Variants in NRG1 observed in about 807,000 individuals in gnomAD.
NRG1 encodes the protein neuregulin 1, also known as pro-neuregulin-1, membrane-bound isoform.
NRG1 carries 18 observed loss-of-function variants against 63.8 expected under a neutral mutation model. The ratio of observed to expected loss-of-function variants is 0.28; its 90% confidence interval spans 0.19 to 0.42. NRG1 has a LOEUF of 0.42. NRG1 is among the 10% of genes least tolerant of loss of function. NRG1 has a pLI of 1.00. For missense variants in NRG1, 762 were observed against 814.7 expected (o/e 0.94, Z 0.79); for synonymous variants, 302 against 301.3 (o/e 1.00, Z -0.02).
Position 31,717,943 on chromosome 8 carries a change from C to T in NRG1, c.37+78512C>T, listed in dbSNP as rs115200850. ...TACTGTGTTAATGCTGTGATTAATGCGTCTTTTAGTCTTGTATGTGTGTGT... is the reference window on the plus strand; with the variant it reads ...TACTGTGTTAATGCTGTGATTAATGTGTCTTTTAGTCTTGTATGTGTGTGT... On this transcript the variant is annotated intron_variant, in intron 1 of 10. Coordinates refer to the NRG1 transcript ENST00000519301. Among the ~76,000 whole-genome samples the T allele has an allele frequency of 3.7e-3, 565 of 152,192 alleles. 5 individuals carry two copies. Among genetic ancestry groups the T allele is most frequent in the Non-Finnish European group, 5.9e-3 (402 of 68,006 alleles).
chr8:32,763,608 C>G (rs1291980929), intron 11 of NRG1, 140 bp from the exon 12 acceptor site: 1 of 1,099,970 alleles, frequency 9.1e-7, no homozygotes, highest in Non-Finnish European at 1.3e-6. Context: ...ATTTCCTAGC[C>G]TAAATAATTA....
intron 1 of NRG1, among the ~76,000 whole-genome samples, chr8:32,554,295 T>C (rs1168368008): frequency 2.6e-5 from 4 of 152,282 alleles, no homozygotes; most frequent in South Asian, 4.1e-4. Flanking sequence ...TCTGCACTTG[T>C]GTGTGTCCTT....
chr8:31,657,430 T>C (rs1805536486), intron 1 of NRG1, among the ~76,000 whole-genome samples: 1 of 152,192 alleles, frequency 6.6e-6, no homozygotes, highest in Non-Finnish European at 1.5e-5. Context: ...GATATTCTGA[T>C]CTTGGACAGA....
rs35582021 is a variant in NRG1, at chr8:32,281,184, C to CTTTTTTTT, written c.38-314640_38-314633dup. On this transcript the variant is annotated intron_variant, in intron 1 of 10. Transcript: ENST00000519301. ...CATAGTACCCAATAGGTAGTTTTTC[C>CTTTTTTTT]TTTTTTTTTTTGAGACAGAATCTCG... Among the ~76,000 whole-genome samples, 21 of 94,326 alleles carry CTTTTTTTT rather than the reference C, an allele frequency of 2.2e-4. 3 individuals carry two copies. Among genetic ancestry groups the CTTTTTTTT allele is most frequent in the African/African-American group, 9.0e-4 (20 of 22,254 alleles). 61.9% of individuals were successfully genotyped at this position (94,326 alleles called of 152,430 possible). A position where few individuals can be genotyped will look rare whatever the true frequency, so the allele number is the denominator to read the frequency against.
At chr8:32,193,630 G>T (rs967832672) in intron 1 of NRG1, among the ~76,000 whole-genome samples, 1 of 152,126 alleles carries the variant, frequency 6.6e-6, no homozygotes, top group African/African-American at 2.4e-5. Flanking sequence ...GAGGCTCGGT[G>T]TTATGGGTTG....
At chr8:31,881,432 C>A (rs1260414667) in intron 1 of NRG1, among the ~76,000 whole-genome samples, 1 of 152,162 alleles carries the variant, frequency 6.6e-6, no homozygotes, top group Non-Finnish European at 1.5e-5. Flanking sequence ...CAATCACTCT[C>A]CCTCTCCTTA....
chr8:32,397,567 G>T (rs71512622), intron 1 of NRG1, among the ~76,000 whole-genome samples: 8,606 of 150,620 alleles, frequency 0.057, 334 homozygotes, highest in Middle Eastern at 0.096. Flanking sequence ...GTCAGTACCA[G>T]TAAATGAGAG....
At chr8:32,137,840 T>C (rs995637027) in intron 1 of NRG1, among the ~76,000 whole-genome samples, 2 of 152,162 alleles carry the variant, frequency 1.3e-5, no homozygotes, top group Non-Finnish European at 2.9e-5. Flanking sequence ...TTGATTCAAT[T>C]CTGGGTGAAT....
chr8:32,027,455 T>TCTTTC (rs1817595066), intron 1 of NRG1, among the ~76,000 whole-genome samples: 1 of 117,604 alleles, frequency 8.5e-6, no homozygotes, highest in African/African-American at 3.3e-5. Context: ...CTTCCTTCCT[T>TCTTTC]CCTTCCTTCC....
intron 1 of NRG1, among the ~76,000 whole-genome samples, chr8:31,728,957 G>A (rs1009726882): frequency 1.3e-5 from 2 of 152,130 alleles, no homozygotes; most frequent in Non-Finnish European, 2.9e-5. Flanking sequence ...TAAATTCCAT[G>A]TTGACTCTGA....
intron 1 of NRG1, among the ~76,000 whole-genome samples, chr8:31,829,656 C>CT (rs61592367): frequency 0.021 from 3,176 of 152,300 alleles, 106 homozygotes; most frequent in African/African-American, 0.071. Context: ...TGTAAAACCA[C>CT]TATAGTCTTG....
At position 32,144,669 on chromosome 8, in the gene NRG1, T is replaced by A. The variant is rs919739364; in HGVS notation, c.38-451159T>A. ...ATTTTTGCTGTTTATATATTTTTATTTTGGTCTCGGTTTTCCTTTATCTAA... is the reference window on the plus strand; with the variant it reads ...ATTTTTGCTGTTTATATATTTTTATATTGGTCTCGGTTTTCCTTTATCTAA... On this transcript the variant is annotated intron_variant, in intron 1 of 10. Coordinates refer to the NRG1 transcript ENST00000519301. Among the ~76,000 whole-genome samples, 50 of 152,306 alleles carry A rather than the reference T, an allele frequency of 3.3e-4. No individual in the cohort carries two copies. In the Middle Eastern group the frequency reaches 0.01, roughly 31 times the overall value.
chr8:32,625,795 CTT>C (rs1457757802), intron 5 of NRG1, among the ~76,000 whole-genome samples: 2 of 98,510 alleles, frequency 2.0e-5, no homozygotes, highest in Admixed American at 1.0e-4. Context: ...TTTCTTTTTT[CTT>C]TTTTTTTTTT....
chr8:32,247,985 G>T lies in NRG1; in HGVS notation c.38-347843G>T, dbSNP rs116299424. Among the ~76,000 whole-genome samples, 520 of 152,172 alleles carry T rather than the reference G, an allele frequency of 3.4e-3. 2 individuals are homozygous for T. The highest frequency in any genetic ancestry group is 0.012 in the African/African-American group (501 of 41,546). On this transcript the variant is annotated intron_variant, in intron 1 of 10. Coordinates refer to the NRG1 transcript ENST00000519301. ...AAGATCTTTTTGAAATCTTATAAATGAATTCATCAAGCCTTAGCTAGCACT... is the reference window on the plus strand; with the variant it reads ...AAGATCTTTTTGAAATCTTATAAATTAATTCATCAAGCCTTAGCTAGCACT...
At chr8:31,884,690 G>T (rs767062479) in intron 1 of NRG1, among the ~76,000 whole-genome samples, 1 of 152,192 alleles carries the variant, frequency 6.6e-6, no homozygotes, top group South Asian at 2.1e-4. Flanking sequence ...TAATTTCCCA[G>T]TTTATAGCAT....
Position 32,330,858 on chromosome 8 carries a change from G to A in NRG1, c.38-264970G>A, listed in dbSNP as rs186957617. 2.2e-3 allele frequency among the ~76,000 whole-genome samples: 342 copies of A among 152,298 alleles called. 2 individuals are homozygous for A. Among genetic ancestry groups the A allele is most frequent in the African/African-American group, 8.0e-3 (332 of 41,576 alleles). The stretch of plus-strand genomic sequence containing the variant: ...TGTGTTAAAGTATTGTACAGTCACT[G>A]AAATGAGAGTATTTTTATATTTGGC... On this transcript the variant is annotated intron_variant, in intron 1 of 10. Coordinates refer to the NRG1 transcript ENST00000519301.
intron 1 of NRG1, among the ~76,000 whole-genome samples, chr8:32,052,271 GTTTTTT>G (rs5890615): frequency 4.4e-5 from 4 of 91,410 alleles, no homozygotes; most frequent in South Asian, 9.0e-4. Context: ...CTTTCCTCCT[GTTTTTT>G]TTTTTTTTTT....
intron 1 of NRG1, among the ~76,000 whole-genome samples, chr8:32,337,583 C>G (rs1016032734): frequency 7.2e-6 from 1 of 139,722 alleles, no homozygotes; most frequent in African/African-American, 2.6e-5. Flanking sequence ...TTCATTCTAT[C>G]CCTTCCCAGG....
At chr8:32,275,673 G>T (rs533358157) in intron 1 of NRG1, among the ~76,000 whole-genome samples, 3 of 152,100 alleles carry the variant, frequency 2.0e-5, no homozygotes, top group African/African-American at 7.2e-5. Flanking sequence ...GTAACCGTAC[G>T]TCAAATTATG....
Sources: allele counts gnomAD v4.1 joint callset (sites outside exome capture counted in the v4.1 genomes callset), GRCh38; gene constraint gnomAD v4.1.1; transcripts MANE v1.5; gene names NCBI Gene and HGNC (gene_info 2026-07-23, HGNC 2026-07-21).